The following SHF variants were observed in gnomAD, a reference collection of about 807,000 sequenced individuals.
SHF encodes the protein SH2 domain-containing adapter protein F.
SHF carries 30 observed loss-of-function variants against 42.4 expected under a neutral mutation model. That is an observed-to-expected ratio of 0.71 (90% CI 0.53 to 0.96). SHF has a LOEUF of 0.96. Among genes scored for constraint, SHF ranks in the 40% least tolerant of loss-of-function variants. The pLI, the probability that SHF is intolerant of heterozygous loss-of-function variation, is 0.00. For missense variants in SHF, 598 were observed against 634.0 expected, an observed-to-expected ratio of 0.94 and a Z score of 0.61; for synonymous variants, 264 against 269.9, an observed-to-expected ratio of 0.98 and a Z score of 0.21.
In SHF at chr15:45,168,149, G is replaced by T. The variant is rs771473181; in HGVS notation, c.1281-16C>A. 2.6e-5 allele frequency: 41 copies of T among 1,561,682 alleles called. No homozygotes were observed. Among genetic ancestry groups the T allele is most frequent in the Non-Finnish European group, 3.5e-5 (40 of 1,148,214 alleles). On this transcript the variant is annotated splice_polypyrimidine_tract_variant and intron_variant, in intron 6 of 6. Coordinates refer to ENST00000690270, the MANE Select transcript of SHF (RefSeq NM_001394037.1). ...CTGGCTGCTCCTGGGAAGAGGAGAG[G>T]AGACTTTGGTGAGTGGGGGCTCTCC...
chr15:45,192,495 A>G (rs1379923077), upstream of SHF, among the ~76,000 whole-genome samples: 2 of 151,068 alleles, frequency 1.3e-5, no homozygotes, highest in Non-Finnish European at 2.9e-5. Flanking sequence ...AGCCTGCTGA[A>G]TAGCTGGGAC....
chr15:45,192,900 A>G (rs1235196867), upstream of SHF, among the ~76,000 whole-genome samples: 1 of 152,250 alleles, frequency 6.6e-6, no homozygotes, highest in East Asian at 1.9e-4. Context: ...GGAGCACTAC[A>G]TAGGGGATGT....
upstream of SHF, among the ~76,000 whole-genome samples, chr15:45,192,660 C>A (rs140325851): frequency 6.6e-6 from 1 of 152,110 alleles, no homozygotes; most frequent in Non-Finnish European, 1.5e-5. Flanking sequence ...TGTGAGCCAC[C>A]GCGCCTGGCC....
At chr15:45,188,706 G>C (rs769906817), upstream of SHF, among the ~76,000 whole-genome samples, 2 of 152,228 alleles carry the variant, frequency 1.3e-5, no homozygotes, top group African/African-American at 4.8e-5. Context: ...TGGCCCTGAC[G>C]ATAGCATGCG....
Position 45,178,319 on chromosome 15 carries a change from A to T in SHF, c.499-13T>A. The T allele has an allele frequency of 5.6e-6, 9 of 1,610,134 alleles. No individual in the cohort carries two copies. Among genetic ancestry groups the T allele is most frequent in the Non-Finnish European group, 6.8e-6 (8 of 1,177,908 alleles). ...CTAGGATAGCTAGCTGTGGGAGGAG[A>T]GTGAAGAGAGTGGGCTTCAGGGAGC... On this transcript the variant is annotated splice_polypyrimidine_tract_variant and intron_variant, in intron 1 of 6. Transcript: ENST00000690270.
rs1472985833 is a variant in SHF at position 45,180,577 on chromosome 15, G to A, written c.499-2271C>T. On this transcript the variant is annotated intron_variant, in intron 1 of 6. Coordinates refer to ENST00000690270, the MANE Select transcript of SHF (RefSeq NM_001394037.1). Reference sequence around the variant, plus strand: ...TCTTTAGTTTCTCTCTACTCACCTTGGATCACTTTGTTACCAGAAAGCTGC... The same window carrying A: ...TCTTTAGTTTCTCTCTACTCACCTTAGATCACTTTGTTACCAGAAAGCTGC... Among the ~76,000 whole-genome samples, 9 of 152,326 alleles carry A rather than the reference G, an allele frequency of 5.9e-5. No individual in the cohort carries two copies. In the East Asian group the frequency reaches 1.7e-3, roughly 29 times the overall value.
chr15:45,178,343 G>A, intron 1 of SHF, 37 bp from the exon 2 acceptor site: 1 of 1,595,464 alleles, frequency 6.3e-7, no homozygotes, highest in South Asian at 1.1e-5. Flanking sequence ...GCTTCAGGGA[G>A]CAGAGAGGCA....
chr15:45,178,812 C>T (rs1440253837), intron 1 of SHF, among the ~76,000 whole-genome samples: 1 of 152,192 alleles, frequency 6.6e-6, no homozygotes, highest in Non-Finnish European at 1.5e-5. Flanking sequence ...GGATTACAGG[C>T]GTGAGCCACC....
chr15:45,177,819 G>A (rs1897898688), intron 2 of SHF, among the ~76,000 whole-genome samples: 1 of 152,122 alleles, frequency 6.6e-6, no homozygotes, highest in Admixed American at 6.5e-5. Flanking sequence ...TTCTCCAACT[G>A]CCATGAAGAT....
chr15:45,200,551 T>A (rs1899056774), intron 1 of SHF: 2 of 366,068 alleles, frequency 5.5e-6, no homozygotes, highest in African/African-American at 4.3e-5. Context: ...CCCCGCCCCC[T>A]TGCAATGTCA....
intron 1 of SHF, among the ~76,000 whole-genome samples, chr15:45,187,137 G>A (rs1018101775): frequency 6.6e-6 from 1 of 152,234 alleles, no homozygotes; most frequent in Non-Finnish European, 1.5e-5. Context: ...CTCAATTCCC[G>A]TTAGCAAAAG....
At chr15:45,195,759 T>G (rs2141450606) in intron 2 of SHF, among the ~76,000 whole-genome samples, 1 of 152,274 alleles carries the variant, frequency 6.6e-6, no homozygotes, top group South Asian at 2.1e-4. Context: ...GTACAGCATC[T>G]TCACTCCTGT....
intron 1 of SHF, among the ~76,000 whole-genome samples, chr15:45,186,616 C>T (rs1003251320): frequency 2.0e-5 from 3 of 152,238 alleles, no homozygotes; most frequent in African/African-American, 7.2e-5. Flanking sequence ...TCCTGTTCTC[C>T]TCCCTATCCT....
At chr15:45,189,509 C>A (rs148582759), upstream of SHF, among the ~76,000 whole-genome samples, 98 of 151,074 alleles carry the variant, frequency 6.5e-4, 3 homozygotes, top group East Asian at 0.011. Flanking sequence ...CCAGCTCAGC[C>A]TCCCTAGTAG....
intron 2 of SHF, among the ~76,000 whole-genome samples, chr15:45,193,306 C>G (rs1477589639): frequency 2.6e-5 from 4 of 152,150 alleles, no homozygotes; most frequent in African/African-American, 9.7e-5. Context: ...AAGGTGGTCA[C>G]GGCCCAATCA....
chr15:45,182,069 A>G (rs1476669685), intron 1 of SHF, among the ~76,000 whole-genome samples: 2 of 152,184 alleles, frequency 1.3e-5, no homozygotes, highest in Non-Finnish European at 2.9e-5. Context: ...AGCAGCTGTC[A>G]TACTTTGAAT....
chr15:45,188,518 A>AT (rs1341747386), upstream of SHF, among the ~76,000 whole-genome samples: 1 of 152,240 alleles, frequency 6.6e-6, no homozygotes, highest in Non-Finnish European at 1.5e-5. Flanking sequence ...CGCACTGCAC[A>AT]TACCCGAACC....
intron 2 of SHF, among the ~76,000 whole-genome samples, chr15:45,177,843 C>T (rs1047070699): frequency 6.6e-6 from 1 of 152,180 alleles, no homozygotes; most frequent in African/African-American, 2.4e-5. Context: ...TCATTTCAAA[C>T]TCATCCCCCC....
intron 2 of SHF, chr15:45,198,571 A>T (rs947077198): frequency 3.6e-6 from 2 of 560,110 alleles, no homozygotes; most frequent in Non-Finnish European, 5.9e-6. Flanking sequence ...GGGGAAAAAA[A>T]TACCGAGCCC....
Sources: gnomAD v4.1 joint callset for allele counts (sites outside exome capture counted in the v4.1 genomes callset) on GRCh38, gnomAD v4.1.1 for gene constraint, MANE v1.5 for transcripts, NCBI Gene and HGNC (gene_info 2026-07-23, HGNC 2026-07-21) for gene names.